MTOR: variants seen among roughly 807,000 people sequenced by gnomAD.
MTOR encodes mechanistic target of rapamycin kinase.
MTOR carries 70 observed loss-of-function variants against 319.8 expected under a neutral mutation model. That is an observed-to-expected ratio of 0.22 (90% CI 0.18 to 0.27). The LOEUF (loss-of-function observed/expected upper bound fraction) is 0.27, where lower values mean the gene tolerates loss of function less well. Among genes scored for constraint, MTOR ranks in the 10% least tolerant of loss-of-function variants. The pLI is 1.00. For synonymous variants in MTOR, 1,183 were observed against 1,211.4 expected (o/e 0.98, Z 0.49); for missense variants, 1,890 against 3,274.4 (o/e 0.58, Z 10.32).
At chr1:11,120,224 C>T (rs969025611) in intron 49 of MTOR, among the ~76,000 whole-genome samples, 2 of 151,722 alleles carry the variant, frequency 1.3e-5, no homozygotes, top group Non-Finnish European at 2.9e-5. Context: ...CCACCATGCC[C>T]GGCTAATTTT....
At chr1:11,161,448 GA>G (rs371150310) in intron 29 of MTOR, among the ~76,000 whole-genome samples, 13 of 152,320 alleles carry the variant, frequency 8.5e-5, no homozygotes, top group East Asian at 7.7e-4. Flanking sequence ...GGTTCTCCCA[GA>G]ACAGAGTTTG....
chr1:11,156,955 G>T (rs574463137), intron 30 of MTOR, among the ~76,000 whole-genome samples, 197 bp downstream of exon 30: 33 of 152,262 alleles, frequency 2.2e-4, no homozygotes, highest in Admixed American at 1.5e-3. Context: ...TTAAGTGAAG[G>T]CCTTCCTACT....
chr1:11,210,522 A>T (rs1490796081), intron 24 of MTOR, among the ~76,000 whole-genome samples: 1 of 152,228 alleles, frequency 6.6e-6, no homozygotes. Flanking sequence ...AAGAAGATTG[A>T]TATTTTGCAA....
chr1:11,121,755 G>T lies in MTOR; in HGVS notation c.6810+224C>A, dbSNP rs1642539606. 6.6e-6 allele frequency among the ~76,000 whole-genome samples: 1 copy of T among 152,178 alleles called. No homozygotes were observed. The highest frequency in any genetic ancestry group is 2.4e-5 in the African/African-American group (1 of 41,438). On this transcript the variant is annotated intron_variant, in intron 48 of 57. Transcript: ENST00000361445. The surrounding 1 kb of genome is among the most constrained non-coding windows in gnomAD (Gnocchi z 4.9). ...AATATATGGTGCCGAATATTTATCT[G>T]TCTAGTCTTCCCTAGGATGGTGAAA...
At chr1:11,239,575 T>A (rs1264566720) in intron 11 of MTOR, among the ~76,000 whole-genome samples, 1 of 150,190 alleles carries the variant, frequency 6.7e-6, no homozygotes, top group African/African-American at 2.5e-5. Flanking sequence ...ATGGGTTTAT[T>A]TGCAGTTTAG....
intron 5 of MTOR, among the ~76,000 whole-genome samples, chr1:11,255,264 TC>T (rs1294685669): frequency 6.6e-6 from 1 of 150,954 alleles, no homozygotes. Context: ...ATGCCTGTAG[TC>T]CCAGCTACTC....
intron 26 of MTOR, among the ~76,000 whole-genome samples, chr1:11,200,757 T>G: frequency 6.6e-6 from 1 of 152,196 alleles, no homozygotes; most frequent in East Asian, 1.9e-4. Context: ...GGCTCACGCC[T>G]GTAATCCCAG....
intron 46 of MTOR, among the ~76,000 whole-genome samples, chr1:11,125,179 G>A (rs1363185846): frequency 6.6e-6 from 1 of 152,150 alleles, no homozygotes; most frequent in African/African-American, 2.4e-5. Context: ...CTGGAGTGTG[G>A]GGGTGGGTGA....
intron 31 of MTOR, among the ~76,000 whole-genome samples, chr1:11,147,874 T>C (rs1557774345): frequency 6.6e-6 from 1 of 152,162 alleles, no homozygotes; most frequent in Admixed American, 6.6e-5. Context: ...GAAATTGACA[T>C]GTCTGCAGGG....
intron 15 of MTOR, 36 bp downstream of exon 15, chr1:11,233,362 C>T (rs1647086931): frequency 6.3e-6 from 10 of 1,579,076 alleles, no homozygotes; most frequent in African/African-American, 1.4e-5. Context: ...CTTTTCCACC[C>T]TATCTCCGCT....
rs186137979 is a variant in MTOR, at chr1:11,125,505, C to T, written c.6527-872G>A. Among the ~76,000 whole-genome samples the T allele has an allele frequency of 4.2e-3, 637 of 151,930 alleles. 6 individuals carry two copies. Among genetic ancestry groups the T allele is most frequent in the African/African-American group, 0.014 (598 of 41,384 alleles). Reference sequence around the variant, plus strand: ...TAACATTGTGGGAGGCCAAGCTGGGCGGATCACCTCAGGTCGGGAGTTTGA... The same window carrying T: ...TAACATTGTGGGAGGCCAAGCTGGGTGGATCACCTCAGGTCGGGAGTTTGA... On this transcript the variant is annotated intron_variant, in intron 46 of 57. Transcript: ENST00000361445.
At position 11,204,671 on chromosome 1, in the gene MTOR, A is replaced by G. The variant is rs372297307; in HGVS notation, c.3834T>C (p.Asp1278=). ...AWGAARRVSK[D]DWLEWLRRLS... is the part of the protein sequence containing the mutation. ...GCCGTCTCAGCCATTCCAGCCAGTC[A>G]TCTTTGGAGACCCTCCTGGCAGCGC... Residue 1278 remains aspartate (D), a synonymous_variant, in exon 26 of 58, where the codon GAT becomes GAC. Transcript: ENST00000361445. The G allele has an allele frequency of 9.3e-6, 15 of 1,614,038 alleles. No individual in the cohort carries two copies. The highest frequency in any genetic ancestry group is 1.3e-5 in the African/African-American group (1 of 74,926).
intron 24 of MTOR, among the ~76,000 whole-genome samples, chr1:11,210,274 C>T (rs1341970040): frequency 1.3e-5 from 2 of 152,146 alleles, no homozygotes; most frequent in Non-Finnish European, 2.9e-5. Context: ...TCAGCCTCCT[C>T]GGTAACTGGG....
intron 49 of MTOR, among the ~76,000 whole-genome samples, chr1:11,119,770 C>CACAA (rs908490283): frequency 2.7e-5 from 4 of 148,220 alleles, no homozygotes; most frequent in African/African-American, 9.9e-5. Context: ...AAACAAAACA[C>CACAA]ACAAACAAAC....
intron 47 of MTOR, among the ~76,000 whole-genome samples, chr1:11,123,921 G>A (rs1368190211): frequency 1.3e-5 from 2 of 152,016 alleles, no homozygotes; most frequent in Non-Finnish European, 2.9e-5. Flanking sequence ...CTGAGTAGCC[G>A]GGATTACAGG....
At chr1:11,229,037 G>C (rs1281474807) in intron 18 of MTOR, 119 bp from the exon 19 acceptor site, 3 of 1,295,826 alleles carry the variant, frequency 2.3e-6, no homozygotes, top group African/African-American at 1.5e-5. Flanking sequence ...TTTCTTCCTA[G>C]TATGTTCTAA....
At chr1:11,253,347 T>C (rs1649948191) in intron 6 of MTOR, among the ~76,000 whole-genome samples, 1 of 152,218 alleles carries the variant, frequency 6.6e-6, no homozygotes, top group Non-Finnish European at 1.5e-5. Flanking sequence ...TAGAAACGCA[T>C]GACATCACAT....
intron 37 of MTOR, among the ~76,000 whole-genome samples, chr1:11,134,124 C>T (rs897032294): frequency 6.6e-6 from 1 of 152,014 alleles, no homozygotes; most frequent in Non-Finnish European, 1.5e-5. Context: ...AAACCAGACG[C>T]CAGGAGAACA....
At position 11,115,535 on chromosome 1, in the gene MTOR, A is replaced by ACG; in HGVS notation, c.7017-69_7017-68dup. 1 of 1,455,268 alleles carries ACG rather than the reference A, an allele frequency of 6.9e-7. No homozygotes were observed. Among genetic ancestry groups the ACG allele is most frequent in the Middle Eastern group, 1.8e-4 (1 of 5,714 alleles). 90.1% of individuals were successfully genotyped at this position (1,455,268 alleles called of 1,614,324 possible). ...ATAACGGATGAAAAAATCAATAAGT[A>ACG]CGTGATACTGTAAGCTAGGAGTTGG... On this transcript the variant is annotated intron_variant, in intron 50 of 57. Transcript: ENST00000361445. The surrounding 1 kb of genome is among the most constrained non-coding windows in gnomAD (Gnocchi z 4.5).
Sources: allele counts gnomAD v4.1 joint callset (sites outside exome capture counted in the v4.1 genomes callset), GRCh38; gene constraint gnomAD v4.1.1; non-coding constraint Gnocchi (gnomAD v3.1); transcripts MANE v1.5; gene names NCBI Gene and HGNC (gene_info 2026-07-23, HGNC 2026-07-21).